AADACL4: variants seen among roughly 807,000 people sequenced by gnomAD.
The protein encoded by AADACL4 is arylacetamide deacetylase like 4.
Under a neutral mutation model 14.1 loss-of-function variants are expected in AADACL4, and 9 were observed. That is an observed-to-expected ratio of 0.64 (90% CI 0.39 to 1.12). AADACL4 has a LOEUF of 1.12. Among genes scored for constraint, AADACL4 ranks in the 50% most tolerant of loss-of-function variants. The pLI, the probability that AADACL4 is intolerant of heterozygous loss-of-function variation, is 0.01. For missense variants in AADACL4, 531 were observed against 516.1 expected (o/e 1.03, Z -0.28); for synonymous variants, 188 against 201.6 (o/e 0.93, Z 0.57).
At position 12,661,886 on chromosome 1, in the gene AADACL4, C is replaced by T. The variant is rs1417624831; in HGVS notation, c.449+32C>T. The T allele has an allele frequency of 2.5e-6, 4 of 1,606,772 alleles. No individual in the cohort carries two copies. The African/African-American group carries it at 4.0e-5, about 16-fold the overall frequency. Reference sequence around the variant, plus strand: ...TTCTGGAGACAGCTGGTAGGTTCCACAGGGGTGAGAGGAGATAGGGTAAGT... The same window carrying T: ...TTCTGGAGACAGCTGGTAGGTTCCATAGGGGTGAGAGGAGATAGGGTAAGT... On this transcript the variant is annotated intron_variant, in intron 3 of 3. Transcript: ENST00000376221.
chr1:12,657,140 C>CAA (rs59777423), intron 2 of AADACL4, among the ~76,000 whole-genome samples: 942 of 50,578 alleles, frequency 0.019, 26 homozygotes, highest in African/African-American at 0.05. Context: ...AAGACTGTCT[C>CAA]AAAAAAAAAA....
rs774347099 is a variant in AADACL4 at position 12,666,047 on chromosome 1, C to T, written c.536C>T (p.Thr179Ile). ...ASIHFLKALE[T>I]YGVDPSRVVV... ...ATTCACTTCCTGAAGGCCCTGGAAA[C>T]CTATGGGGTGGACCCCTCCAGGGTT... The change falls in exon 4 of 4, where the codon ACC becomes ATC. Residue 179 changes from threonine (T) to isoleucine (I), a missense_variant. By Grantham distance (89) the Thr-to-Ile change is moderately conservative. Transcript: ENST00000376221. 1.2e-6 allele frequency: 2 copies of T among 1,614,226 alleles called. 1 individual carries two copies. Among genetic ancestry groups the T allele is most frequent in the South Asian group, 2.2e-5 (2 of 91,086 alleles).
At chr1:12,660,779 G>A (rs1228709682) in intron 2 of AADACL4, among the ~76,000 whole-genome samples, 1 of 152,100 alleles carries the variant, frequency 6.6e-6, no homozygotes, top group Non-Finnish European at 1.5e-5. Flanking sequence ...GAGTAGCTGG[G>A]ACTACAGGCA....
Position 12,666,339 on chromosome 1 carries a change from C to T in AADACL4, c.828C>T (p.Asp276=), listed in dbSNP as rs760435668. The change falls in exon 4 of 4, where the codon GAC becomes GAT. Residue 276 remains aspartate, a synonymous_variant. Transcript: ENST00000376221. ...AILNGTCVPP[D]VWRKYEKWLS... is the part of the protein sequence containing the mutation. ...TGAACGGCACTTGTGTACCCCCAGA[C>T]GTCTGGAGGAAGTACGAGAAGTGGC... 9.3e-6 allele frequency: 15 copies of T among 1,614,056 alleles called. No individual in the cohort carries two copies. The highest frequency in any genetic ancestry group is 6.7e-5 in the East Asian group (3 of 44,906).
At position 12,644,168 on chromosome 1, in the gene AADACL4, A is replaced by G. The variant is rs1292911582; in HGVS notation, c.-379A>G. ...ACAAGGAAAGCTGGCGAAGTCTCTT[A>G]TCTTACAGTTGAAAGATCAGGCCCT... On this transcript the variant is annotated 5_prime_UTR_variant, in exon 1 of 4. Transcript: ENST00000376221. 6.6e-6 allele frequency among the ~76,000 whole-genome samples: 1 copy of G among 152,214 alleles called. No homozygotes were observed. Among genetic ancestry groups the G allele is most frequent in the African/African-American group, 2.4e-5 (1 of 41,456 alleles).
chr1:12,646,329 G>C (rs1647111552), intron 1 of AADACL4, among the ~76,000 whole-genome samples: 2 of 152,178 alleles, frequency 1.3e-5, no homozygotes, highest in Non-Finnish European at 2.9e-5. Flanking sequence ...CATCTGGGAG[G>C]GTTAATATGT....
At chr1:12,644,738 C>A (rs137892305) in intron 1 of AADACL4, 24 bp downstream of exon 1, 2 of 1,610,348 alleles carry the variant, frequency 1.2e-6, no homozygotes, top group African/African-American at 2.7e-5. Flanking sequence ...CAGGCCACGT[C>A]GTAACCTGGG....
chr1:12,658,134 TCC>T lies in AADACL4; in HGVS notation c.386-3656_386-3655del, dbSNP rs1491282515. 2.2e-3 allele frequency among the ~76,000 whole-genome samples: 293 copies of T among 133,346 alleles called. 2 individuals carry two copies. The highest frequency in any genetic ancestry group is 9.7e-3 in the East Asian group (48 of 4,926). 87.5% of individuals were successfully genotyped at this position (133,346 alleles called of 152,430 possible). A position where few individuals can be genotyped will look rare whatever the true frequency, so the allele number is the denominator to read the frequency against. ...TTCCTTCCTTCCTTCCTTCCTTCCT[TCC>T]TTCCTTTCTTTCTTTCTTTCTTTCT... On this transcript the variant is annotated intron_variant, in intron 2 of 3. Transcript: ENST00000376221.
chr1:12,645,454 C>T (rs1296056399), intron 1 of AADACL4, among the ~76,000 whole-genome samples: 1 of 152,138 alleles, frequency 6.6e-6, no homozygotes, highest in Non-Finnish European at 1.5e-5. Context: ...TCCTGCCTTC[C>T]CCGGGCTTGT....
intron 3 of AADACL4, 37 bp from the exon 4 acceptor site, chr1:12,665,924 C>T: frequency 6.4e-7 from 1 of 1,561,204 alleles, no homozygotes; most frequent in South Asian, 1.2e-5. Flanking sequence ...CAACACTGTC[C>T]ACACTGGTGT....
intron 2 of AADACL4, among the ~76,000 whole-genome samples, chr1:12,652,551 A>ATAGTGAAAT (rs1368552655): frequency 1.3e-5 from 2 of 152,246 alleles, no homozygotes; most frequent in Non-Finnish European, 2.9e-5. Flanking sequence ...AATAGTGAAA[A>ATAGTGAAAT]TACAGAGATT....
chr1:12,647,134 C>T (rs1461325906), intron 1 of AADACL4, among the ~76,000 whole-genome samples: 1 of 150,108 alleles, frequency 6.7e-6, no homozygotes, highest in African/African-American at 2.5e-5. Context: ...CACTCTGTCA[C>T]CCAGGCAGGA....
intron 2 of AADACL4, among the ~76,000 whole-genome samples, chr1:12,658,160 CTT>C: frequency 7.7e-6 from 1 of 129,926 alleles, no homozygotes; most frequent in East Asian, 2.1e-4. Context: ...TTCTTTCTTT[CTT>C]TCTTTTTCTC....
chr1:12,654,265 T>G (rs1279687272), intron 2 of AADACL4, among the ~76,000 whole-genome samples: 1 of 152,178 alleles, frequency 6.6e-6, no homozygotes, highest in African/African-American at 2.4e-5. Flanking sequence ...AAGACAGGAG[T>G]ATTACAAGGA....
At chr1:12,648,566 T>C (rs1647126922) in intron 1 of AADACL4, among the ~76,000 whole-genome samples, 2 of 151,444 alleles carry the variant, frequency 1.3e-5, no homozygotes, top group Non-Finnish European at 2.9e-5. Flanking sequence ...CTGGGTTTTT[T>C]TTTTTTTTGT....
intron 2 of AADACL4, among the ~76,000 whole-genome samples, chr1:12,655,436 C>T (rs2252944): frequency 0.03 from 4,527 of 151,892 alleles, 76 homozygotes; most frequent in Middle Eastern, 0.068. Flanking sequence ...ATTATGGCAT[C>T]GGGTGTCCCC....
chr1:12,644,794 C>T (rs1200700042), intron 1 of AADACL4, 80 bp downstream of exon 1: 2 of 1,433,880 alleles, frequency 1.4e-6, no homozygotes, highest in Non-Finnish European at 1.9e-6. Flanking sequence ...TTCCCTCTTT[C>T]ACTTCCCTTC....
At chr1:12,664,837 C>A (rs960037931) in intron 3 of AADACL4, among the ~76,000 whole-genome samples, 2 of 152,082 alleles carry the variant, frequency 1.3e-5, no homozygotes, top group African/African-American at 4.8e-5. Flanking sequence ...CATTAATTAG[C>A]TTGTTCATTA....
intron 1 of AADACL4, among the ~76,000 whole-genome samples, chr1:12,645,565 C>T (rs79168823): frequency 0.014 from 2,073 of 152,192 alleles, 39 homozygotes; most frequent in African/African-American, 0.047. Flanking sequence ...TTTTTTGAGA[C>T]GGGGTCTTGC....
Sources: allele counts gnomAD v4.1 joint callset (sites outside exome capture counted in the v4.1 genomes callset), GRCh38; gene constraint gnomAD v4.1.1; transcripts MANE v1.5; gene names NCBI Gene and HGNC (gene_info 2026-07-23, HGNC 2026-07-21).